The following TET1 variants were observed in gnomAD, a reference collection of about 807,000 sequenced individuals.
TET1 encodes the protein tet methylcytosine dioxygenase 1, also known as methylcytosine dioxygenase TET1.
TET1 carries 13 observed loss-of-function variants against 148.7 expected under a neutral mutation model. The ratio of observed to expected loss-of-function variants is 0.09; its 90% CI spans 0.06 to 0.14. The LOEUF (loss-of-function observed/expected upper bound fraction) is 0.14. Ranked by LOEUF, TET1 falls within the 10% of genes least tolerant of loss-of-function variation. TET1 has a pLI of 1.00. For synonymous variants in TET1, 907 were observed against 937.2 expected, an observed-to-expected ratio of 0.97 and a Z score of 0.59; for missense variants, 2,182 against 2,553.8, an observed-to-expected ratio of 0.85 and a Z score of 3.14.
intron 2 of TET1, among the ~76,000 whole-genome samples, chr10:68,598,772 C>A (rs1271074622): frequency 6.8e-6 from 1 of 147,018 alleles, no homozygotes; most frequent in East Asian, 2.0e-4. Context: ...CTCACTGCAA[C>A]TACTGTCTCC....
chr10:68,567,604 T>G (rs114627246), intron 1 of TET1, among the ~76,000 whole-genome samples: 3,924 of 151,874 alleles, frequency 0.026, 163 homozygotes, highest in African/African-American at 0.09. Flanking sequence ...AGGTTTATTT[T>G]TTTTTAATCT....
chr10:68,688,736 CCTA>C (rs1349512285), intron 11 of TET1, among the ~76,000 whole-genome samples: 1 of 152,122 alleles, frequency 6.6e-6, no homozygotes. Context: ...CCGTGCCCGG[CCTA>C]CTTTCTTAAC....
At chr10:68,688,591 C>G (rs111882182) in intron 11 of TET1, among the ~76,000 whole-genome samples, 1 of 151,984 alleles carries the variant, frequency 6.6e-6, no homozygotes, top group Non-Finnish European at 1.5e-5. Flanking sequence ...CCCGCCACCA[C>G]GCCTGGCTAA....
Position 68,686,704 on chromosome 10 carries a change from T to C in TET1, c.5401T>C (p.Leu1801=), listed in dbSNP as rs2055516465. The C allele has an allele frequency of 1.9e-6, 3 of 1,611,130 alleles. No individual in the cohort carries two copies. Residue 1801 remains leucine, a synonymous_variant, in exon 11 of 12, where the codon TTA becomes CTA. Coordinates refer to ENST00000373644, the MANE Select transcript of TET1 (RefSeq NM_030625.3). ...NNSKPSSLPT[L]GSNTETVQPE... ...CAGTAAGCCTTCGTCACTGCCAACCTTAGGTGAGCCCTATGGAACCTGGTA... is the reference window on the plus strand; with the variant it reads ...CAGTAAGCCTTCGTCACTGCCAACCCTAGGTGAGCCCTATGGAACCTGGTA...
intron 1 of TET1, among the ~76,000 whole-genome samples, chr10:68,571,936 G>A (rs1308931067): frequency 6.6e-6 from 1 of 152,080 alleles, no homozygotes; most frequent in African/African-American, 2.4e-5. Context: ...GGGCAACATG[G>A]CGAAAACATG....
chr10:68,640,021 G>A (rs143616704), intron 3 of TET1, among the ~76,000 whole-genome samples: 69 of 147,774 alleles, frequency 4.7e-4, no homozygotes, highest in African/African-American at 1.6e-3. Flanking sequence ...TCCTCCTCCC[G>A]AGTTCAAGCG....
At chr10:68,604,535 T>C (rs2054098260) in intron 3 of TET1, among the ~76,000 whole-genome samples, 1 of 152,136 alleles carries the variant, frequency 6.6e-6, no homozygotes, top group Non-Finnish European at 1.5e-5. Flanking sequence ...AAAGAGATGC[T>C]CTTGCAAGGA....
At chr10:68,674,227 G>T (rs1230864345) in intron 8 of TET1, 1 of 153,606 alleles carries the variant, frequency 6.5e-6, no homozygotes, top group East Asian at 1.9e-4. Context: ...AGCTACTAAG[G>T]AGGCTGAGGT....
chr10:68,628,296 G>C (rs554639516), intron 3 of TET1, among the ~76,000 whole-genome samples: 24 of 152,270 alleles, frequency 1.6e-4, no homozygotes, highest in Non-Finnish European at 2.8e-4. Flanking sequence ...TGCAATAAAG[G>C]CCACTAAATC....
chr10:68,643,591 C>T lies in TET1; in HGVS notation c.1969-1107C>T, dbSNP rs531218885. ...ATGCCAGCACTTTGGGAGGCTGAGG[C>T]GGGCAGATCACCAGAGGTCAGGAGT... On this transcript the variant is annotated intron_variant, in intron 3 of 11. Transcript: ENST00000373644. Among the ~76,000 whole-genome samples, 355 of 152,028 alleles carry T rather than the reference C, an allele frequency of 2.3e-3. 2 individuals carry two copies. The highest frequency in any genetic ancestry group is 8.1e-3 in the African/African-American group (336 of 41,488).
At position 68,601,715 on chromosome 10, in the gene TET1, T is replaced by C. The variant is rs191945268; in HGVS notation, c.1968+681T>C. On this transcript the variant is annotated intron_variant, in intron 3 of 11. Transcript: ENST00000373644. ...TTAATTTAAAAGCATATGGCATCAC[T>C]AAAAGTTCAAGGCTAGCTTTAGTCT... Among the ~76,000 whole-genome samples, 5 of 152,328 alleles carry C rather than the reference T, an allele frequency of 3.3e-5. No homozygotes were observed. In the East Asian group the frequency reaches 9.6e-4, roughly 29 times the overall value.
chr10:68,639,483 ATT>A (rs2054709662), intron 3 of TET1, among the ~76,000 whole-genome samples: 1 of 150,740 alleles, frequency 6.6e-6, no homozygotes, highest in Non-Finnish European at 1.5e-5. Flanking sequence ...TATTATTATT[ATT>A]ATTATTTTAG....
chr10:68,589,442 A>G (rs769989850), intron 2 of TET1, among the ~76,000 whole-genome samples: 3 of 152,106 alleles, frequency 2.0e-5, no homozygotes, highest in African/African-American at 4.8e-5. Flanking sequence ...AGATGCATAT[A>G]TCTATATGTG....
rs754487252 is a variant in TET1 at position 68,573,705 on chromosome 10, T to A, written c.1367T>A (p.Val456Asp). The A allele has an allele frequency of 6.2e-7, 1 of 1,614,096 alleles. No homozygotes were observed. Among genetic ancestry groups the A allele is most frequent in the Non-Finnish European group, 8.5e-7 (1 of 1,180,030 alleles). The change falls in exon 2 of 12, where the codon GTC (valine) becomes GAC (aspartate). Residue 456 changes from valine (V) to aspartate (D), a missense_variant. Physicochemically the swap from Val to Asp is radical, Grantham distance 152. Around this residue, in one of 11 missense-constraint regions of TET1, gnomAD observed 665 missense variants for 672.4 expected, o/e 0.99. Coordinates refer to ENST00000373644, the MANE Select transcript of TET1 (RefSeq NM_030625.3). ...AAATGGCCTGAGCCCCAAAGCACTG[T>A]CTCATATGGACTTGCAGTCCAGGGT... is the stretch of plus-strand genomic sequence containing the variant. ...PSKWPEPQST[V>D]SYGLAVQGAI... is the part of the protein sequence containing the mutation.
intron 6 of TET1, among the ~76,000 whole-genome samples, chr10:68,660,419 G>A (rs1253839120): frequency 7.1e-6 from 1 of 140,226 alleles, no homozygotes; most frequent in African/African-American, 2.7e-5. Context: ...GGCTTACTGC[G>A]ACCACCATCT....
chr10:68,628,414 A>G (rs992637600), intron 3 of TET1, among the ~76,000 whole-genome samples: 1 of 152,220 alleles, frequency 6.6e-6, no homozygotes, highest in East Asian at 1.9e-4. Context: ...TGCCAGTATT[A>G]CAATTCCTTT....
Position 68,646,283 on chromosome 10 carries a change from C to T in TET1, c.3554C>T (p.Thr1185Ile). ...GAAAAGTTGTCCTATATGTATGGCA[C>T]AATATGCGACATTTGGATAGCATCG... ...KWEKLSYMYG[T>I]ICDIWIASKF... Residue 1185 changes from threonine to isoleucine, a missense_variant, in exon 4 of 12, where the codon ACA (threonine) becomes ATA (isoleucine). This residue lies in a region of TET1 where 582 missense variants were observed against 599.5 expected (regional missense o/e 0.97). Coordinates refer to ENST00000373644, the MANE Select transcript of TET1 (RefSeq NM_030625.3). 6.2e-7 allele frequency: 1 copy of T among 1,614,134 alleles called. No homozygotes were observed. The highest frequency in any genetic ancestry group is 1.6e-4 in the Middle Eastern group (1 of 6,062).
chr10:68,596,706 A>C (rs753914240), intron 2 of TET1, among the ~76,000 whole-genome samples: 13 of 152,154 alleles, frequency 8.5e-5, no homozygotes, highest in African/African-American at 3.1e-4. Context: ...ACAAGTATAG[A>C]TCTTCGTGGT....
chr10:68,642,287 A>G (rs2054768665), intron 3 of TET1, among the ~76,000 whole-genome samples: 1 of 152,170 alleles, frequency 6.6e-6, no homozygotes, highest in African/African-American at 2.4e-5. Context: ...AATATAAATT[A>G]ACCAGTTGTG....
Sources: gnomAD v4.1 joint callset for allele counts (sites outside exome capture counted in the v4.1 genomes callset) on GRCh38, gnomAD v4.1.1 for gene constraint, gnomAD v4.1.1 regional missense constraint, MANE v1.5 for transcripts, NCBI Gene and HGNC (gene_info 2026-07-23, HGNC 2026-07-21) for gene names.